The following CDH13 variants were observed in gnomAD, a reference collection of about 807,000 sequenced individuals.
CDH13 encodes cadherin-13.
Under a neutral mutation model 63.8 loss-of-function variants are expected in CDH13, and 24 were observed. The observed-to-expected ratio is 0.38, with a 90% CI of 0.27 to 0.53. CDH13 has a LOEUF of 0.53. CDH13 is among the 20% of genes least tolerant of loss of function. The pLI is 0.85. For missense variants in CDH13, 1,049 were observed against 903.1 expected (o/e 1.16, Z -2.07); for synonymous variants, 503 against 355.3 (o/e 1.42, Z -4.67).
At chr16:83,687,721 C>T (rs1269237820) in intron 10 of CDH13, among the ~76,000 whole-genome samples, 1 of 152,198 alleles carries the variant, frequency 6.6e-6, no homozygotes, top group Non-Finnish European at 1.5e-5. Context: ...GGAAGGGTAG[C>T]CAGTGCTAGC....
chr16:83,114,284 G>A (rs187917232), intron 3 of CDH13, among the ~76,000 whole-genome samples: 3 of 152,160 alleles, frequency 2.0e-5, no homozygotes, highest in Non-Finnish European at 4.4e-5. Context: ...TACTGGAGAT[G>A]TTGTTTCTGA....
At position 83,337,617 on chromosome 16, in the gene CDH13, G is replaced by C. The variant is rs2090626062; in HGVS notation, c.637-7245G>C. 2.4e-5 allele frequency among the ~76,000 whole-genome samples: 3 copies of C among 124,338 alleles called. No homozygotes were observed. In the Admixed American group the frequency reaches 2.6e-4, roughly 11 times the overall value. The allele number at this position is 124,338 out of a possible 152,430, so 81.6% of individuals were successfully genotyped here. A position where few individuals can be genotyped will look rare whatever the true frequency, so the allele number is the denominator to read the frequency against. ...TGTCATTTGAGAATTAAATTGACAA[G>C]CGTATTTTTTTTTTTTTTTTTTTTT... On this transcript the variant is annotated intron_variant, in intron 5 of 13. Transcript: ENST00000567109.
chr16:83,275,458 C>T (rs2088957877), intron 5 of CDH13, among the ~76,000 whole-genome samples: 3 of 152,158 alleles, frequency 2.0e-5, no homozygotes, highest in Non-Finnish European at 4.4e-5. Context: ...AAGAAGACAG[C>T]ACTGACATTA....
At chr16:83,085,109 A>G (rs2033499417) in intron 3 of CDH13, among the ~76,000 whole-genome samples, 2 of 152,022 alleles carry the variant, frequency 1.3e-5, no homozygotes, top group East Asian at 3.9e-4. Flanking sequence ...CATAGCTGAG[A>G]CTGGGAAGAA....
At chr16:83,421,833 T>G (rs964566131) in intron 6 of CDH13, among the ~76,000 whole-genome samples, 2 of 152,332 alleles carry the variant, frequency 1.3e-5, no homozygotes, top group East Asian at 3.9e-4. Flanking sequence ...GAAATGCTTT[T>G]TCCATAATTA....
chr16:82,703,417 A>G (rs1007918677), intron 1 of CDH13, among the ~76,000 whole-genome samples: 9 of 152,108 alleles, frequency 5.9e-5, no homozygotes, highest in Admixed American at 5.9e-4. Flanking sequence ...TCGTACCCCC[A>G]GGATCAGCTC....
At chr16:82,801,942 G>C (rs940433013) in intron 1 of CDH13, among the ~76,000 whole-genome samples, 2 of 152,188 alleles carry the variant, frequency 1.3e-5, no homozygotes, top group Non-Finnish European at 2.9e-5. Context: ...ACTACAGTAA[G>C]GAGTGCGGAT....
At chr16:83,197,821 C>G (rs2038919487) in intron 4 of CDH13, among the ~76,000 whole-genome samples, 1 of 3,484 alleles carries the variant, frequency 2.9e-4, no homozygotes, top group African/African-American at 1.2e-3. Flanking sequence ...GACACATTCA[C>G]ACACACACAC....
At chr16:83,365,999 A>G (rs1379126004) in intron 6 of CDH13, among the ~76,000 whole-genome samples, 2 of 152,212 alleles carry the variant, frequency 1.3e-5, no homozygotes, top group Admixed American at 1.3e-4. Context: ...CACGGAGGTC[A>G]TACTTCTCAC....
chr16:83,473,161 A>G (rs28589606), intron 6 of CDH13, among the ~76,000 whole-genome samples: 3,821 of 152,280 alleles, frequency 0.025, 163 homozygotes, highest in African/African-American at 0.086. Flanking sequence ...TAAAAGATCC[A>G]TTTCCATAGA....
chr16:82,718,312 A>T (rs1236492815), intron 1 of CDH13, among the ~76,000 whole-genome samples: 1 of 152,168 alleles, frequency 6.6e-6, no homozygotes, highest in Non-Finnish European at 1.5e-5. Flanking sequence ...TCTTCTGACG[A>T]GTCACAGGTA....
At chr16:83,071,807 A>G (rs1422317701) in intron 3 of CDH13, among the ~76,000 whole-genome samples, 1 of 152,226 alleles carries the variant, frequency 6.6e-6, no homozygotes, top group Non-Finnish European at 1.5e-5. Context: ...GACAGTAGGC[A>G]TGACAGAGTT....
At chr16:82,639,804 A>G (rs1200365681) in intron 1 of CDH13, among the ~76,000 whole-genome samples, 3 of 152,240 alleles carry the variant, frequency 2.0e-5, no homozygotes, top group African/African-American at 4.8e-5. Flanking sequence ...CGTACTAGCC[A>G]CAGAGCAGCG....
At chr16:82,877,266 T>C (rs1248500230) in intron 2 of CDH13, among the ~76,000 whole-genome samples, 1 of 152,214 alleles carries the variant, frequency 6.6e-6, no homozygotes, top group African/African-American at 2.4e-5. Flanking sequence ...AAGTAGGTTA[T>C]TGTTTGATAG....
chr16:83,118,961 C>T (rs2035438695), intron 3 of CDH13, among the ~76,000 whole-genome samples: 1 of 152,198 alleles, frequency 6.6e-6, no homozygotes, highest in East Asian at 1.9e-4. Context: ...CATTCCTTGT[C>T]TCCCATTTAA....
intron 4 of CDH13, among the ~76,000 whole-genome samples, chr16:83,129,827 C>G (rs1029233314): frequency 6.6e-6 from 1 of 152,242 alleles, no homozygotes; most frequent in Non-Finnish European, 1.5e-5. Context: ...GGACAGGGCA[C>G]TGATCCCTTC....
At chr16:83,378,263 T>G (rs918687060) in intron 6 of CDH13, among the ~76,000 whole-genome samples, 2 of 152,190 alleles carry the variant, frequency 1.3e-5, no homozygotes, top group African/African-American at 4.8e-5. Flanking sequence ...CTTGATGCCT[T>G]GCCCTGAAAC....
At chr16:83,560,189 C>T (rs1237776272) in intron 7 of CDH13, among the ~76,000 whole-genome samples, 1 of 152,194 alleles carries the variant, frequency 6.6e-6, no homozygotes, top group African/African-American at 2.4e-5. Context: ...GTCTCCCTCT[C>T]ACAGAGTTTG....
chr16:83,274,173 G>A (rs12102767), intron 5 of CDH13, among the ~76,000 whole-genome samples: 2 of 152,050 alleles, frequency 1.3e-5, no homozygotes, highest in Admixed American at 1.3e-4. Flanking sequence ...TCTCAACCCT[G>A]CTTAAAAGCC....
Sources: allele counts gnomAD v4.1 joint callset (sites outside exome capture counted in the v4.1 genomes callset), GRCh38; gene constraint gnomAD v4.1.1; transcripts MANE v1.5; gene names NCBI Gene and HGNC (gene_info 2026-07-23, HGNC 2026-07-21).